Variants in CBLB observed in about 807,000 individuals in gnomAD.
The protein encoded by CBLB is Cbl proto-oncogene B.
Under a neutral mutation model 104.9 loss-of-function variants are expected in CBLB, and 31 were observed. The ratio of observed to expected loss-of-function variants is 0.30; its 90% CI spans 0.22 to 0.40. The LOEUF (loss-of-function observed/expected upper bound fraction) is 0.40. Ranked by LOEUF, CBLB falls within the 10% of genes least tolerant of loss-of-function variation. The pLI is 1.00. For synonymous variants in CBLB, 440 were observed against 422.6 expected (o/e 1.04, Z -0.51); for missense variants, 1,062 against 1,214.6 (o/e 0.87, Z 1.87).
At chr3:105,662,713 A>C (rs2063907169) in intron 18 of CBLB, among the ~76,000 whole-genome samples, 1 of 152,194 alleles carries the variant, frequency 6.6e-6, no homozygotes, top group African/African-American at 2.4e-5. Flanking sequence ...TAAAAAACTA[A>C]ATATTGTCCT....
chr3:105,679,122 T>G (rs1204260988), intron 16 of CBLB, among the ~76,000 whole-genome samples: 1 of 152,118 alleles, frequency 6.6e-6, no homozygotes, highest in Non-Finnish European at 1.5e-5. Context: ...ACATAAAATG[T>G]ACCTAGAGCA....
At chr3:105,685,181 ATGGTATAATAGGAAGAGAAGGATT>A in intron 14 of CBLB, 115 bp downstream of exon 14, 1 of 750,002 alleles carries the variant, frequency 1.3e-6, no homozygotes, top group Middle Eastern at 2.4e-4. Context: ...AATGCTGGAA[ATGGTATAATAGGAAGAGAAGGATT>A]TGAGCTGGAA....
chr3:105,858,156 A>G (rs2091789069), intron 2 of CBLB, among the ~76,000 whole-genome samples: 2 of 152,306 alleles, frequency 1.3e-5, no homozygotes, highest in South Asian at 4.2e-4. Flanking sequence ...TGTTTTCTAA[A>G]TTTGCACTTG....
intron 4 of CBLB, among the ~76,000 whole-genome samples, chr3:105,766,117 G>A (rs2078191980): frequency 6.6e-6 from 1 of 152,158 alleles, no homozygotes; most frequent in Non-Finnish European, 1.5e-5. Flanking sequence ...GACTTCAGTG[G>A]AAGAAGTAAC....
At chr3:105,792,786 GT>G (rs1331220674) in intron 3 of CBLB, among the ~76,000 whole-genome samples, 1 of 152,112 alleles carries the variant, frequency 6.6e-6, no homozygotes, top group Non-Finnish European at 1.5e-5. Flanking sequence ...GAGCAAATTA[GT>G]TCCTCCCTCA....
At chr3:105,772,399 G>A (rs2078973111) in intron 4 of CBLB, among the ~76,000 whole-genome samples, 1 of 152,082 alleles carries the variant, frequency 6.6e-6, no homozygotes, top group African/African-American at 2.4e-5. Flanking sequence ...TTAAATCTAA[G>A]ACCTGAAACC....
intron 3 of CBLB, among the ~76,000 whole-genome samples, chr3:105,845,900 C>T (rs112501374): frequency 3.3e-5 from 5 of 152,130 alleles, no homozygotes; most frequent in African/African-American, 1.2e-4. Flanking sequence ...TATTCATTTA[C>T]AATAAATCAA....
At chr3:105,660,350 G>T (rs2063668285) in intron 18 of CBLB, among the ~76,000 whole-genome samples, 1 of 151,430 alleles carries the variant, frequency 6.6e-6, no homozygotes, top group Non-Finnish European at 1.5e-5. Flanking sequence ...ACCATGCCTG[G>T]CTAATTTTTT....
intron 3 of CBLB, among the ~76,000 whole-genome samples, chr3:105,798,906 G>A (rs1560291373): frequency 6.6e-6 from 1 of 152,126 alleles, no homozygotes; most frequent in Non-Finnish European, 1.5e-5. Flanking sequence ...CTGGATGGCA[G>A]GAGCATCACA....
At chr3:105,773,940 G>C (rs2079161125) in intron 4 of CBLB, among the ~76,000 whole-genome samples, 1 of 152,198 alleles carries the variant, frequency 6.6e-6, no homozygotes, top group African/African-American at 2.4e-5. Context: ...TGCTGGGCTT[G>C]GGCCCTGAGC....
intron 2 of CBLB, among the ~76,000 whole-genome samples, chr3:105,856,168 G>C (rs1321108502): frequency 6.6e-6 from 1 of 151,890 alleles, no homozygotes; most frequent in Non-Finnish European, 1.5e-5. Flanking sequence ...TGGCCAACAT[G>C]GTGAAACCCT....
chr3:105,717,686 A>G (rs966907331), intron 10 of CBLB, among the ~76,000 whole-genome samples: 2 of 152,176 alleles, frequency 1.3e-5, no homozygotes, highest in Non-Finnish European at 2.9e-5. Flanking sequence ...GTATTTGTAC[A>G]TTGTAGAGCC....
Position 105,734,110 on chromosome 3 carries a change from A to C in CBLB, c.1102T>G (p.Ser368Ala). 6.2e-7 allele frequency: 1 copy of C among 1,613,858 alleles called. No homozygotes were observed. The highest frequency in any genetic ancestry group is 1.1e-5 in the South Asian group (1 of 91,082). ...EQYELYCEMG[S>A]TFQLCKICAE... ...CAAATCTTACAGAGCTGAAAAGTGG[A>C]GCCCATTTCACAATATAATTCATAT... Residue 368 changes from serine to alanine, a missense_variant, in exon 9 of 19, where the codon TCC (serine) becomes GCC (alanine). Around this residue, in one of 2 missense-constraint regions of CBLB, gnomAD observed 457 missense variants for 632.0 expected, o/e 0.72. Coordinates refer to ENST00000394030, the MANE Select transcript of CBLB (RefSeq NM_170662.5).
chr3:105,869,402 G>A (rs1179784196), upstream of CBLB: 4 of 1,339,400 alleles, frequency 3.0e-6, no homozygotes, highest in South Asian at 4.9e-5. Flanking sequence ...GGGCTGAAAG[G>A]CGGGACTTCC....
At chr3:105,800,732 T>C (rs145738342) in intron 3 of CBLB, among the ~76,000 whole-genome samples, 2 of 152,122 alleles carry the variant, frequency 1.3e-5, no homozygotes, top group Non-Finnish European at 2.9e-5. Context: ...CACCTACTGA[T>C]AATTAAGGAA....
At position 105,702,215 on chromosome 3, in the gene CBLB, C is replaced by A; in HGVS notation, c.1838G>T (p.Gly613Val). The stretch of plus-strand genomic sequence containing the variant: ...CGCTGTGATTCCAGGTTTTGGAGAG[C>A]CCTCCCCTAGGAGTCGACATCCCAC... ...QLVGCRLLGE[G>V]SPKPGITASS... The change falls in exon 12 of 19, where the codon GGC (glycine) becomes GTC (valine). Residue 613 changes from glycine (G) to valine (V), a missense_variant. Physicochemically the swap from Gly to Val is moderately radical, Grantham distance 109 (BLOSUM62 -3). Coordinates refer to ENST00000394030, the MANE Select transcript of CBLB (RefSeq NM_170662.5). 2 of 1,614,076 alleles carry A rather than the reference C, an allele frequency of 1.2e-6. No individual in the cohort carries two copies. The highest frequency in any genetic ancestry group is 1.7e-6 in the Non-Finnish European group (2 of 1,179,992).
chr3:105,747,574 TGA>T (rs2076231011), intron 5 of CBLB, among the ~76,000 whole-genome samples: 1 of 152,088 alleles, frequency 6.6e-6, no homozygotes, highest in Non-Finnish European at 1.5e-5. Context: ...AATAATAATA[TGA>T]GAGGTTGAAA....
chr3:105,750,970 C>T (rs116665779), intron 5 of CBLB, among the ~76,000 whole-genome samples: 1 of 152,230 alleles, frequency 6.6e-6, no homozygotes, highest in African/African-American at 2.4e-5. Context: ...ATGTGCAAAG[C>T]AATTTACAAA....
rs372314540 is a variant in CBLB at position 105,702,176 on chromosome 3, T to A, written c.1877A>T (p.Asn626Ile). 1.9e-6 allele frequency: 3 copies of A among 1,614,144 alleles called. No homozygotes were observed. Among genetic ancestry groups the A allele is most frequent in the Non-Finnish European group, 2.5e-6 (3 of 1,180,008 alleles). Reference sequence around the variant, plus strand: ...AGAGCCCACTCTACTGTGCCTTCCATTGACATTTGAACTCGCTGTGATTCC... The same window carrying A: ...AGAGCCCACTCTACTGTGCCTTCCAATGACATTTGAACTCGCTGTGATTCC... ...KPGITASSNV[N>I]GRHSRVGSDP... The change falls in exon 12 of 19, where the codon AAT becomes ATT. Residue 626 changes from asparagine (N) to isoleucine (I), a missense_variant. Around this residue, in one of 2 missense-constraint regions of CBLB, gnomAD observed 605 missense variants for 582.6 expected, o/e 1.04. Coordinates refer to ENST00000394030, the MANE Select transcript of CBLB (RefSeq NM_170662.5).
Sources: gnomAD v4.1 joint callset for allele counts (sites outside exome capture counted in the v4.1 genomes callset) on GRCh38, gnomAD v4.1.1 for gene constraint, gnomAD v4.1.1 regional missense constraint, MANE v1.5 for transcripts, NCBI Gene and HGNC (gene_info 2026-07-23, HGNC 2026-07-21) for gene names.